RFWD3: variants seen among roughly 807,000 people sequenced by gnomAD.
RFWD3 encodes E3 ubiquitin-protein ligase RFWD3.
In RFWD3, 65 loss-of-function variants were observed where a neutral mutation model predicts 87.7. The ratio of observed to expected loss-of-function variants is 0.74; its 90% confidence interval spans 0.61 to 0.91. The LOEUF (loss-of-function observed/expected upper bound fraction) is 0.91. Among genes scored for constraint, RFWD3 ranks in the 40% least tolerant of loss-of-function variants. The pLI is 0.00. For synonymous variants in RFWD3, 433 were observed against 352.8 expected (o/e 1.23, Z -2.55); for missense variants, 1,078 against 938.5 (o/e 1.15, Z -1.94).
rs1473815983 is a variant in RFWD3, at chr16:74,644,413, TA to T, written c.1027del (p.Tyr343MetfsTer5). ...GTCCAAAGCTCTCAGGGTTCGGGCA[TA>T]AAGGACGACAATGTCACTGTGCCTG... ...KARHSDIVVL[Y>X]ARTLRALDTS... is the part of the protein sequence containing the mutation. On this transcript the variant is annotated frameshift_variant, in exon 6 of 13. Coordinates refer to ENST00000361070, the MANE Select transcript of RFWD3 (RefSeq NM_018124.4). LOFTEE classifies it high-confidence loss of function. 6.2e-7 allele frequency: 1 copy of T among 1,614,092 alleles called. No homozygotes were observed. The highest frequency in any genetic ancestry group is 8.5e-7 in the Non-Finnish European group (1 of 1,180,044).
At chr16:74,653,283 G>A (rs552401883) in intron 2 of RFWD3, among the ~76,000 whole-genome samples, 3 of 152,200 alleles carry the variant, frequency 2.0e-5, no homozygotes, top group East Asian at 3.9e-4. Flanking sequence ...AGGCTGCAGT[G>A]AGCCATGATG....
intron 8 of RFWD3, among the ~76,000 whole-genome samples, chr16:74,635,342 C>T (rs1959186318): frequency 6.6e-6 from 1 of 151,760 alleles, no homozygotes; most frequent in South Asian, 2.1e-4. Flanking sequence ...TGGCATGCAC[C>T]CGTAGTCTCA....
In RFWD3 at chr16:74,629,665, C is replaced by CA. The variant is rs75932415; in HGVS notation, c.1755-1000dup. On this transcript the variant is annotated intron_variant, in intron 10 of 12. Coordinates refer to ENST00000361070, the MANE Select transcript of RFWD3 (RefSeq NM_018124.4). Reference sequence around the variant, plus strand: ...AAAACAAAAAAACCACTACCACCAACAAAAAAAAAAAACCTTGCCATATTT... The same window carrying CA: ...AAAACAAAAAAACCACTACCACCAACAAAAAAAAAAAAACCTTGCCATATTT... 4.3e-3 allele frequency among the ~76,000 whole-genome samples: 619 copies of CA among 143,498 alleles called. 3 individuals are homozygous for CA. The highest frequency in any genetic ancestry group is 0.017 in the East Asian group (82 of 4,914). 94.1% of individuals were successfully genotyped at this position (143,498 alleles called of 152,430 possible).
chr16:74,654,232 G>A (rs1232728167), intron 2 of RFWD3, among the ~76,000 whole-genome samples: 4 of 151,982 alleles, frequency 2.6e-5, no homozygotes, highest in Non-Finnish European at 5.9e-5. Flanking sequence ...CTAAAAGTCT[G>A]TCAATTTTGT....
chr16:74,665,355 G>A (rs1961796413), intron 1 of RFWD3: 2 of 152,270 alleles, frequency 1.3e-5, no homozygotes. Context: ...GGGAAGCCGA[G>A]GGCAGACCAC....
rs1597460462 is a variant in RFWD3, at chr16:74,661,306, C to G, written c.144G>C (p.Gly48=). The G allele has an allele frequency of 1.2e-6, 2 of 1,613,872 alleles. No individual in the cohort carries two copies. The highest frequency in any genetic ancestry group is 1.3e-5 in the African/African-American group (1 of 74,972). The change falls in exon 2 of 13, where the codon GGG becomes GGC. Residue 48 remains glycine (G), a synonymous_variant. Coordinates refer to ENST00000361070, the MANE Select transcript of RFWD3 (RefSeq NM_018124.4). ...GAGCTGGCTGGAGGATGGATGGTACCCCCTGGCTGCTGACCACATCAGCAG... is the reference window on the plus strand; with the variant it reads ...GAGCTGGCTGGAGGATGGATGGTACGCCCTGGCTGCTGACCACATCAGCAG... ...PVPADVVSSQ[G]VPSILQPAPA... is the part of the protein sequence containing the mutation.
intron 2 of RFWD3, among the ~76,000 whole-genome samples, chr16:74,655,011 G>C (rs1229205936): frequency 6.6e-6 from 1 of 152,216 alleles, no homozygotes; most frequent in African/African-American, 2.4e-5. Flanking sequence ...TGAAGCAGCA[G>C]CAAGCGCTGA....
At chr16:74,651,891 G>C (rs750180032) in intron 3 of RFWD3, 29 bp downstream of exon 3, 19 of 1,601,462 alleles carry the variant, frequency 1.2e-5, no homozygotes, top group South Asian at 2.2e-5. Context: ...TGTTAGCCTT[G>C]TGAGTCCAAA....
In RFWD3 at chr16:74,652,095, A is replaced by C. The variant is rs780239953; in HGVS notation, c.546T>G (p.Phe182Leu). 6.2e-7 allele frequency: 1 copy of C among 1,614,112 alleles called. No individual in the cohort carries two copies. Among genetic ancestry groups the C allele is most frequent in the African/African-American group, 1.3e-5 (1 of 75,028 alleles). The change falls in exon 3 of 13, where the codon TTT (phenylalanine) becomes TTG (leucine). Residue 182 changes from phenylalanine to leucine, a missense_variant. Coordinates refer to ENST00000361070, the MANE Select transcript of RFWD3 (RefSeq NM_018124.4). ...AGTCAGGCTGGGTCCTGCTCACCTG[A>C]AAGTAAGCATCCAATGGTGCTCTCA... is the stretch of plus-strand genomic sequence containing the variant. ...ARLRAPLDAY[F>L]QVSRTQPDLP...
chr16:74,648,647 C>G (rs1960343468), intron 4 of RFWD3, among the ~76,000 whole-genome samples: 1 of 151,744 alleles, frequency 6.6e-6, no homozygotes, highest in Middle Eastern at 3.4e-3. Context: ...TGGCGTGTGC[C>G]TGTAGTCCCA....
chr16:74,636,720 G>A, intron 7 of RFWD3, 143 bp from the exon 8 acceptor site: 1 of 551,066 alleles, frequency 1.8e-6, no homozygotes. Context: ...CAGAGTTTTT[G>A]TTTTTTTTTT....
At chr16:74,632,078 G>C (rs1567568658) in intron 9 of RFWD3, among the ~76,000 whole-genome samples, 1 of 152,226 alleles carries the variant, frequency 6.6e-6, no homozygotes, top group South Asian at 2.1e-4. Flanking sequence ...AGAAGACACA[G>C]TCTCAGACCA....
chr16:74,662,467 T>A (rs1314432008), intron 1 of RFWD3, among the ~76,000 whole-genome samples: 1 of 152,164 alleles, frequency 6.6e-6, no homozygotes, highest in South Asian at 2.1e-4. Flanking sequence ...GCAAGTAAGA[T>A]GTCAATAAAC....
At chr16:74,627,584 A>G (rs1456004359) in intron 11 of RFWD3, among the ~76,000 whole-genome samples, 4 of 152,104 alleles carry the variant, frequency 2.6e-5, no homozygotes, top group Non-Finnish European at 5.9e-5. Flanking sequence ...ACCTGAACCT[A>G]ACTTGTTTCC....
In RFWD3 at chr16:74,656,216, G is replaced by A. The variant is rs1004562726; in HGVS notation, c.519-4094C>T. Among the ~76,000 whole-genome samples the A allele has an allele frequency of 9.0e-5, 13 of 144,966 alleles. No homozygotes were observed. The South Asian group carries it at 2.9e-3, about 32-fold the overall frequency. Reference sequence around the variant, plus strand: ...TGTAGGCTGAGGCAGGAGGATCGAGGATCACCTGAGCCCGGGGAGGTTGAG... The same window carrying A: ...TGTAGGCTGAGGCAGGAGGATCGAGAATCACCTGAGCCCGGGGAGGTTGAG... On this transcript the variant is annotated intron_variant, in intron 2 of 12. Coordinates refer to ENST00000361070, the MANE Select transcript of RFWD3 (RefSeq NM_018124.4).
intron 1 of RFWD3, 48 bp from the exon 2 acceptor site, chr16:74,661,499 T>C: frequency 2.8e-6 from 4 of 1,433,620 alleles, no homozygotes; most frequent in East Asian, 4.6e-5. Context: ...AGATAAAACA[T>C]GCTATGTAGG....
chr16:74,640,145 A>ATT (rs11358380), intron 6 of RFWD3, among the ~76,000 whole-genome samples: 1 of 136,108 alleles, frequency 7.3e-6, no homozygotes, highest in Non-Finnish European at 1.6e-5. Context: ...TGGAAACTTA[A>ATT]TTTTTTTTTT....
intron 12 of RFWD3, among the ~76,000 whole-genome samples, chr16:74,625,287 G>A (rs1008138230): frequency 1.3e-5 from 2 of 151,858 alleles, no homozygotes; most frequent in Non-Finnish European, 2.9e-5. Flanking sequence ...CTGTGAGGCT[G>A]AGGTGAGAAG....
chr16:74,627,693 C>T (rs1303853651), intron 11 of RFWD3, among the ~76,000 whole-genome samples: 2 of 152,168 alleles, frequency 1.3e-5, no homozygotes, highest in African/African-American at 4.8e-5. Flanking sequence ...AAACAAGTTT[C>T]CTGTGAGAGG....
Sources: allele counts gnomAD v4.1 joint callset (sites outside exome capture counted in the v4.1 genomes callset), GRCh38; gene constraint gnomAD v4.1.1; transcripts MANE v1.5; gene names NCBI Gene and HGNC (gene_info 2026-07-23, HGNC 2026-07-21).